BCKDHB: variants seen among roughly 807,000 people sequenced by gnomAD.
BCKDHB encodes the protein branched chain keto acid dehydrogenase E1 subunit beta.
In BCKDHB, 41 loss-of-function variants were observed where a neutral mutation model predicts 48.5. That is an observed-to-expected ratio of 0.85 (90% CI 0.66 to 1.10). The LOEUF is 1.10. Among genes scored for constraint, BCKDHB ranks in the 50% least tolerant of loss-of-function variants. The probability of loss-of-function intolerance (pLI) is 0.00; values close to 1 mark genes in which losing one functional copy is unlikely to be tolerated. For synonymous variants in BCKDHB, 201 were observed against 174.8 expected, an observed-to-expected ratio of 1.15 and a Z score of -1.18; for missense variants, 496 against 494.2, an observed-to-expected ratio of 1.00 and a Z score of -0.03.
the BCKDHB span, among the ~76,000 whole-genome samples, chr6:80,367,872 A>G: frequency 6.6e-6 from 1 of 152,262 alleles, no homozygotes; most frequent in Non-Finnish European, 1.5e-5. Flanking sequence ...CTCCTCATGC[A>G]TGTGGTCCAT....
At chr6:80,242,887 C>T (rs564510630) in intron 8 of BCKDHB, among the ~76,000 whole-genome samples, 60 of 152,118 alleles carry the variant, frequency 3.9e-4, no homozygotes, top group Non-Finnish European at 6.3e-4. Flanking sequence ...TCCAGAGACC[C>T]AAATCTGTTT....
In BCKDHB at chr6:80,312,439, C is replaced by G. The variant is rs183934249; in HGVS notation, c.1039-31225C>G. 4.6e-5 allele frequency among the ~76,000 whole-genome samples: 7 copies of G among 152,262 alleles called. No individual in the cohort carries two copies. The East Asian group carries it at 1.4e-3, about 29-fold the overall frequency. On this transcript the variant is annotated intron_variant, in intron 9 of 9. Transcript: ENST00000320393. ...TATTTCTTTGTCTTGCCTGATTGCC[C>G]TAGCCAGAACTTCCAGGACTATGTT... is the stretch of plus-strand genomic sequence containing the variant.
At chr6:80,382,820 A>T in the BCKDHB span, among the ~76,000 whole-genome samples, 1 of 152,210 alleles carries the variant, frequency 6.6e-6, no homozygotes, top group African/African-American at 2.4e-5. Flanking sequence ...TTCTTTGTTC[A>T]TGAGTTTATA....
chr6:80,320,781 G>A (rs914686528), intron 9 of BCKDHB, among the ~76,000 whole-genome samples: 8 of 152,116 alleles, frequency 5.3e-5, no homozygotes, highest in African/African-American at 1.4e-4. Flanking sequence ...TTATGGTAGC[G>A]ATGGTGAAGA....
At chr6:80,196,462 T>A (rs143793783) in intron 6 of BCKDHB, among the ~76,000 whole-genome samples, 1 of 152,302 alleles carries the variant, frequency 6.6e-6, no homozygotes, top group East Asian at 1.9e-4. Context: ...CCCATTGCTA[T>A]ATTATGATTT....
At chr6:80,464,088 T>C in the BCKDHB span, among the ~76,000 whole-genome samples, 1 of 152,090 alleles carries the variant, frequency 6.6e-6, no homozygotes, top group Non-Finnish European at 1.5e-5. Flanking sequence ...CAAACACAGA[T>C]TACAAGTGCA....
At chr6:80,248,015 A>G (rs1002456523) in intron 8 of BCKDHB, among the ~76,000 whole-genome samples, 5 of 152,242 alleles carry the variant, frequency 3.3e-5, no homozygotes, top group African/African-American at 1.2e-4. Context: ...TGAAAGAACA[A>G]AATAATACAT....
chr6:80,162,670 G>T (rs570249681), intron 3 of BCKDHB, among the ~76,000 whole-genome samples: 1 of 152,012 alleles, frequency 6.6e-6, no homozygotes, highest in Non-Finnish European at 1.5e-5. Context: ...GGCCAACATG[G>T]TGAAACCCCA....
chr6:80,440,931 G>A, the BCKDHB span: 1 of 152,162 alleles, frequency 6.6e-6, no homozygotes, highest in Non-Finnish European at 1.5e-5. Flanking sequence ...TCATGCACAT[G>A]TGTGACCCAA....
rs1776842724 is a variant in BCKDHB at position 80,251,655 on chromosome 6, A to C, written c.952-21480A>C. 3 of 152,178 alleles carry C rather than the reference A, an allele frequency of 2.0e-5. No individual in the cohort carries two copies. In the South Asian group the frequency reaches 6.2e-4, roughly 32 times the overall value. The allele number at this position is 152,178 out of a possible 1,614,324, so 9.4% of individuals were successfully genotyped here. On this transcript the variant is annotated intron_variant, in intron 8 of 9. Coordinates refer to ENST00000320393, the MANE Select transcript of BCKDHB (RefSeq NM_183050.4). ...GCCTAAACTTTCAAATATTATTCATACTCTGTTCTCATAAAAAATTATTCT... is the reference window on the plus strand; with the variant it reads ...GCCTAAACTTTCAAATATTATTCATCCTCTGTTCTCATAAAAAATTATTCT...
chr6:80,189,974 C>G (rs1773817499), intron 6 of BCKDHB, among the ~76,000 whole-genome samples: 1 of 151,898 alleles, frequency 6.6e-6, no homozygotes, highest in South Asian at 2.1e-4. Context: ...TGTAAATAAA[C>G]TTGGAGTTCT....
intron 8 of BCKDHB, among the ~76,000 whole-genome samples, chr6:80,250,820 G>A (rs893457349): frequency 1.3e-5 from 2 of 152,046 alleles, no homozygotes; most frequent in African/African-American, 2.4e-5. Flanking sequence ...TATGTACTTC[G>A]GCAAGTCACT....
the BCKDHB span, among the ~76,000 whole-genome samples, chr6:80,361,423 T>A: frequency 6.6e-6 from 1 of 152,208 alleles, no homozygotes; most frequent in South Asian, 2.1e-4. Context: ...GACAGGTCCC[T>A]CTCTCTAAAG....
chr6:80,355,220 T>C, the BCKDHB span, among the ~76,000 whole-genome samples: 1 of 151,790 alleles, frequency 6.6e-6, no homozygotes, highest in African/African-American at 2.4e-5. Flanking sequence ...GCCAACATGG[T>C]GAAACCCCAT....
intron 8 of BCKDHB, among the ~76,000 whole-genome samples, chr6:80,214,508 T>A (rs1775079120): frequency 6.6e-6 from 1 of 152,068 alleles, no homozygotes; most frequent in Admixed American, 6.6e-5. Flanking sequence ...TGTGTCTGTT[T>A]GAGGGGAGCA....
chr6:80,183,585 C>A (rs966530882), intron 6 of BCKDHB, among the ~76,000 whole-genome samples: 1 of 152,114 alleles, frequency 6.6e-6, no homozygotes, highest in African/African-American at 2.4e-5. Flanking sequence ...AATTGATGAC[C>A]TATGTTAACA....
At chr6:80,216,027 A>C (rs1017694939) in intron 8 of BCKDHB, among the ~76,000 whole-genome samples, 2 of 152,208 alleles carry the variant, frequency 1.3e-5, no homozygotes, top group African/African-American at 4.8e-5. Context: ...GACGTGAGCC[A>C]CCGTGCCCGG....
At chr6:80,250,707 A>G (rs1776803542) in intron 8 of BCKDHB, among the ~76,000 whole-genome samples, 1 of 152,156 alleles carries the variant, frequency 6.6e-6, no homozygotes. Flanking sequence ...CATAGGGGGA[A>G]GATGGAGTGA....
intron 8 of BCKDHB, among the ~76,000 whole-genome samples, chr6:80,210,119 T>C (rs1176378885): frequency 1.6e-5 from 2 of 126,854 alleles, no homozygotes; most frequent in Non-Finnish European, 3.2e-5. Context: ...TGTATGTGTA[T>C]ATGTGAAGAA....
Sources: gnomAD v4.1 joint callset for allele counts (sites outside exome capture counted in the v4.1 genomes callset) on GRCh38, gnomAD v4.1.1 for gene constraint, MANE v1.5 for transcripts, NCBI Gene and HGNC (gene_info 2026-07-23, HGNC 2026-07-21) for gene names.